ASB3: variants seen among roughly 807,000 people sequenced by gnomAD.
ASB3 encodes ankyrin repeat and SOCS box protein 3.
Under a neutral mutation model 54.5 loss-of-function variants are expected in ASB3, and 41 were observed. That is an observed-to-expected ratio of 0.75 (90% CI 0.59 to 0.98). The LOEUF is 0.98. ASB3 is among the 50% of genes least tolerant of loss of function. The pLI is 0.00. For synonymous variants in ASB3, 266 were observed against 221.2 expected (o/e 1.20, Z -1.80); for missense variants, 733 against 620.0 (o/e 1.18, Z -1.94).
Position 53,765,507 on chromosome 2 carries a change from A to G in ASB3, c.66T>C (p.Asn22=), listed in dbSNP as rs1673390877. 1.2e-6 allele frequency: 2 copies of G among 1,614,060 alleles called. No individual in the cohort carries two copies. Among genetic ancestry groups the G allele is most frequent in the African/African-American group, 1.3e-5 (1 of 74,918 alleles). The change falls in exon 2 of 10, where the codon AAT becomes AAC. Residue 22 remains asparagine (N), a synonymous_variant. Coordinates refer to ENST00000263634, the MANE Select transcript of ASB3 (RefSeq NM_016115.5). ...TGAGCAGTTTCCTTAAGACTTTAAC[A>G]TTGCCTTCCCTGGCAGCAAGTCCAA... ...STVGLAAREG[N]VKVLRKLLKK...
chr2:53,743,233 G>T (rs1208564476), intron 3 of ASB3, among the ~76,000 whole-genome samples: 3 of 147,280 alleles, frequency 2.0e-5, no homozygotes, highest in African/African-American at 7.6e-5. Context: ...TCGAACTCCT[G>T]GCCTCAAGTG....
At position 53,728,730 on chromosome 2, in the gene ASB3, T is replaced by C. The variant is rs75729621; in HGVS notation, c.586A>G (p.Ser196Gly). 1.7e-3 allele frequency: 2,775 copies of C among 1,607,994 alleles called. 47 individuals are homozygous for C. In the African/African-American group the frequency reaches 0.033, roughly 19 times the overall value. Residue 196 changes from serine to glycine, a missense_variant, in exon 5 of 10, where the codon AGC (serine) becomes GGC (glycine). Coordinates refer to ENST00000263634, the MANE Select transcript of ASB3 (RefSeq NM_016115.5). ...ATCTTACCCGATGAAATAAGTATGCTCAAGCTTTCTAGCTTGCCATACTGA... is the reference window on the plus strand; with the variant it reads ...ATCTTACCCGATGAAATAAGTATGCCCAAGCTTTCTAGCTTGCCATACTGA... ...AAQYGKLESLSILISSGANVN... is the reference protein window; with the variant it reads ...AAQYGKLESLGILISSGANVN...
At chr2:53,732,549 TAAAAATTA>T (rs1009442416) in intron 3 of ASB3, among the ~76,000 whole-genome samples, 6 of 152,202 alleles carry the variant, frequency 3.9e-5, no homozygotes, top group Admixed American at 2.0e-4. Context: ...GCTGACCTTA[TAAAAATTA>T]AAGTCAAAAA....
intron 1 of ASB3, chr2:53,771,805 C>A: frequency 2.7e-6 from 2 of 744,062 alleles, no homozygotes; most frequent in South Asian, 1.6e-5. Context: ...TTCTTATGAG[C>A]AAATATAATT....
Position 53,716,604 on chromosome 2 carries a change from C to T in ASB3, c.744G>A (p.Gln248=). ...TTTGTGCAGCTGCATGAATAGGTAA[C>T]TGCCAACTGTCCTCATTACAGTAAA... ...PDLYCNEDSW[Q]LPIHAAAQMG... Residue 248 remains glutamine (Q), a synonymous_variant, in exon 6 of 10, where the codon CAG becomes CAA. Coordinates refer to ENST00000263634, the MANE Select transcript of ASB3 (RefSeq NM_016115.5). 1 of 1,613,958 alleles carries T rather than the reference C, an allele frequency of 6.2e-7. No homozygotes were observed. The highest frequency in any genetic ancestry group is 8.5e-7 in the Non-Finnish European group (1 of 1,179,868).
At chr2:53,736,677 C>T (rs986717711) in intron 3 of ASB3, among the ~76,000 whole-genome samples, 30 of 143,870 alleles carry the variant, frequency 2.1e-4, no homozygotes, top group Middle Eastern at 3.6e-3. Flanking sequence ...CCAGCCTGGG[C>T]GACAGAGTGA....
At chr2:53,729,881 A>T (rs1190734871) in intron 3 of ASB3, among the ~76,000 whole-genome samples, 1 of 152,212 alleles carries the variant, frequency 6.6e-6, no homozygotes, top group East Asian at 1.9e-4. Flanking sequence ...GGAGGATATA[A>T]GGTGGACAAT....
intron 7 of ASB3, among the ~76,000 whole-genome samples, chr2:53,708,116 C>G (rs1318480775): frequency 6.6e-6 from 1 of 152,132 alleles, no homozygotes; most frequent in Non-Finnish European, 1.5e-5. Context: ...GAAGGTGGGG[C>G]TTGGTGGGAG....
At chr2:53,674,386 C>G (rs1319308101) in intron 9 of ASB3, among the ~76,000 whole-genome samples, 2 of 152,112 alleles carry the variant, frequency 1.3e-5, no homozygotes, top group African/African-American at 2.4e-5. Context: ...TACAGAATTC[C>G]TCTATTTTGT....
At chr2:53,777,818 T>C (rs1305590325) in intron 1 of ASB3, among the ~76,000 whole-genome samples, 1 of 152,216 alleles carries the variant, frequency 6.6e-6, no homozygotes, top group African/African-American at 2.4e-5. Context: ...TTACCCTTTG[T>C]TTTACTAAAA....
chr2:53,764,542 C>G lies in ASB3; in HGVS notation c.196+835G>C, dbSNP rs116235070. Among the ~76,000 whole-genome samples, 1,134 of 152,314 alleles carry G rather than the reference C, an allele frequency of 7.4e-3. 17 individuals carry two copies. Among genetic ancestry groups the G allele is most frequent in the African/African-American group, 0.026 (1,088 of 41,566 alleles). On this transcript the variant is annotated intron_variant, in intron 2 of 9. Coordinates refer to ENST00000263634, the MANE Select transcript of ASB3 (RefSeq NM_016115.5). ...TGACTATCACAAAGCAATGCTCAGT[C>G]ACCATTTGTTTTCTTCCTACCCCCT...
intron 5 of ASB3, among the ~76,000 whole-genome samples, chr2:53,720,541 G>A (rs1572904156): frequency 6.6e-6 from 1 of 152,240 alleles, no homozygotes; most frequent in East Asian, 1.9e-4. Flanking sequence ...TCAATGAGAA[G>A]ACTTAACTAT....
chr2:53,688,148 C>T (rs908118100), intron 9 of ASB3, among the ~76,000 whole-genome samples: 17 of 152,186 alleles, frequency 1.1e-4, no homozygotes, highest in African/African-American at 4.1e-4. Context: ...TTTCCTTGGT[C>T]ACTGACTCTG....
chr2:53,682,146 C>T (rs1308418596), intron 9 of ASB3, among the ~76,000 whole-genome samples: 2 of 142,852 alleles, frequency 1.4e-5, no homozygotes, highest in Non-Finnish European at 3.0e-5. Flanking sequence ...GGTGACAAAA[C>T]GAGACTCCGT....
chr2:53,701,845 A>C (rs1357498090), intron 7 of ASB3, among the ~76,000 whole-genome samples: 1 of 152,218 alleles, frequency 6.6e-6, no homozygotes, highest in Non-Finnish European at 1.5e-5. Context: ...TTCTGTAAAC[A>C]CAAGAACAAT....
chr2:53,770,134 CT>C (rs1260539085), intron 1 of ASB3, among the ~76,000 whole-genome samples: 1 of 152,116 alleles, frequency 6.6e-6, no homozygotes, highest in Non-Finnish European at 1.5e-5. Context: ...GTAGCATCAT[CT>C]TAAAAAGAAA....
In ASB3 at chr2:53,728,918, GTTTTT is replaced by G. The variant is rs879165178; in HGVS notation, c.469-76_469-72del. The G allele has an allele frequency of 1.1e-5, 15 of 1,306,142 alleles. No homozygotes were observed. The South Asian group carries it at 1.8e-4, about 15-fold the overall frequency. 80.9% of individuals were successfully genotyped at this position (1,306,142 alleles called of 1,614,324 possible). A position where few individuals can be genotyped will look rare whatever the true frequency, so the allele number is the denominator to read the frequency against. On this transcript the variant is annotated intron_variant, in intron 4 of 9. Coordinates refer to ENST00000263634, the MANE Select transcript of ASB3 (RefSeq NM_016115.5). ...TAGAAGGTATCTTTCTTCTTACTGT[GTTTTT>G]TTTTTCTTTTTTATCCTCTCACTAA...
chr2:53,771,013 T>C (rs1199773601), intron 1 of ASB3, among the ~76,000 whole-genome samples: 2 of 152,238 alleles, frequency 1.3e-5, no homozygotes, highest in Non-Finnish European at 2.9e-5. Flanking sequence ...TCTTAAAGTA[T>C]GAGCCCCAGA....
chr2:53,714,906 G>C (rs572004923), intron 6 of ASB3, among the ~76,000 whole-genome samples: 4 of 152,094 alleles, frequency 2.6e-5, no homozygotes, highest in Non-Finnish European at 5.9e-5. Flanking sequence ...CAAATTTTAT[G>C]TTAGATATTT....
Sources: gnomAD v4.1 joint callset for allele counts (sites outside exome capture counted in the v4.1 genomes callset) on GRCh38, gnomAD v4.1.1 for gene constraint, MANE v1.5 for transcripts, NCBI Gene and HGNC (gene_info 2026-07-23, HGNC 2026-07-21) for gene names.